The following KLRK1 variants were observed in gnomAD, a reference collection of about 807,000 sequenced individuals.
KLRK1 encodes NKG2-D type II integral membrane protein.
A neutral mutation model predicts 31.3 loss-of-function variants in KLRK1; 40 were observed. That is an observed-to-expected ratio of 1.28 (90% confidence interval 0.99 to 1.67). The LOEUF is 1.67. Among genes scored for constraint, KLRK1 ranks in the 40% most tolerant of loss-of-function variants. The pLI, the probability that KLRK1 is intolerant of heterozygous loss-of-function variation, is 0.00. For missense variants in KLRK1, 251 were observed against 260.0 expected (o/e 0.97, Z 0.24); for synonymous variants, 77 against 77.3 (o/e 1.00, Z 0.02).
intron 2 of KLRK1, among the ~76,000 whole-genome samples, chr12:10,387,505 CTT>C (rs1019030517): frequency 2.0e-5 from 3 of 150,936 alleles, no homozygotes; most frequent in African/African-American, 7.3e-5. Context: ...ATATAATGAA[CTT>C]AGCATCAATA....
At chr12:10,383,609 TAAAAG>T (rs1220251827) in intron 3 of KLRK1, among the ~76,000 whole-genome samples, 1 of 151,966 alleles carries the variant, frequency 6.6e-6, no homozygotes, top group Non-Finnish European at 1.5e-5. Flanking sequence ...CAGAAAATCA[TAAAAG>T]AAACATCAGA....
At position 10,372,843 on chromosome 12, in the gene KLRK1, C is replaced by T. The variant is rs987130055; in HGVS notation, c.*271G>A. 1.9e-5 allele frequency: 7 copies of T among 370,404 alleles called. No homozygotes were observed. Among genetic ancestry groups the T allele is most frequent in the East Asian group, 7.6e-5 (1 of 13,092 alleles). 22.9% of individuals were successfully genotyped at this position (370,404 alleles called of 1,614,324 possible). On this transcript the variant is annotated 3_prime_UTR_variant, in exon 8 of 8. Transcript: ENST00000240618. Reference sequence around the variant, plus strand: ...CTTTAGAAATTAAAACAGCACCCCTCCCCCAGCCCATCCACTCTGGGCTTG... The same window carrying T: ...CTTTAGAAATTAAAACAGCACCCCTTCCCCAGCCCATCCACTCTGGGCTTG...
chr12:10,389,957 A>G lies in KLRK1; in HGVS notation c.-80T>C, dbSNP rs560132413. 2 of 152,182 alleles carry G rather than the reference A, an allele frequency of 1.3e-5. No homozygotes were observed. Among genetic ancestry groups the G allele is most frequent in the South Asian group, 4.1e-4 (2 of 4,826 alleles). The allele number at this position is 152,182 out of a possible 1,614,324, so 9.4% of individuals were successfully genotyped here. On this transcript the variant is annotated 5_prime_UTR_variant, in exon 1 of 8. Coordinates refer to ENST00000240618, the MANE Select transcript of KLRK1 (RefSeq NM_007360.4). ...CATACACACACCTGCTCAGAGAGGG[A>G]AGATCTTGATTCTTGTGGATAAAAG...
At chr12:10,385,905 TAAAC>T (rs576657445) in intron 3 of KLRK1, among the ~76,000 whole-genome samples, 1 of 151,532 alleles carries the variant, frequency 6.6e-6, no homozygotes, top group African/African-American at 2.4e-5. Context: ...CAACTAAAAA[TAAAC>T]AAAAATTACC....
At chr12:10,389,000 A>C in intron 1 of KLRK1, 125 bp from the exon 2 acceptor site, 1 of 563,218 alleles carries the variant, frequency 1.8e-6, no homozygotes, top group Non-Finnish European at 3.0e-6. Flanking sequence ...AAAGAATAGA[A>C]ATGACAATTC....
intron 4 of KLRK1, 96 bp downstream of exon 4, chr12:10,379,604 T>G: frequency 7.4e-7 from 1 of 1,357,130 alleles, no homozygotes; most frequent in South Asian, 1.5e-5. Flanking sequence ...TTAATATTTC[T>G]AGTTTATGTG....
intron 3 of KLRK1, among the ~76,000 whole-genome samples, chr12:10,383,224 CAAA>C: frequency 6.6e-6 from 1 of 151,410 alleles, no homozygotes; most frequent in African/African-American, 2.4e-5. Context: ...GGATTAAAAA[CAAA>C]AAAAACCAAA....
chr12:10,373,543 GA>G (rs1555118538), intron 7 of KLRK1, among the ~76,000 whole-genome samples: 4 of 152,140 alleles, frequency 2.6e-5, no homozygotes, highest in Non-Finnish European at 5.9e-5. Flanking sequence ...ATTTAAGTGA[GA>G]AATAAATTCA....
At chr12:10,378,308 T>A (rs986620017) in intron 6 of KLRK1, 73 bp from the exon 7 acceptor site, 1 of 1,495,118 alleles carries the variant, frequency 6.7e-7, no homozygotes, top group Non-Finnish European at 9.2e-7. Flanking sequence ...ACCATAACCA[T>A]TTCATCTGTT....
At chr12:10,388,331 G>A (rs1460286944) in intron 2 of KLRK1, among the ~76,000 whole-genome samples, 1 of 152,102 alleles carries the variant, frequency 6.6e-6, no homozygotes, top group Admixed American at 6.5e-5. Context: ...AGGATAAAAA[G>A]TGCTTTAACA....
At chr12:10,380,892 C>T (rs1863062574) in intron 3 of KLRK1, among the ~76,000 whole-genome samples, 1 of 152,112 alleles carries the variant, frequency 6.6e-6, no homozygotes, top group Admixed American at 6.5e-5. Flanking sequence ...TACGCTCTGC[C>T]CTGGGGCCTA....
chr12:10,379,386 CA>C, intron 5 of KLRK1, 60 bp downstream of exon 5: 1 of 1,057,496 alleles, frequency 9.5e-7, no homozygotes, highest in South Asian at 1.9e-5. Flanking sequence ...TACATGTCTA[CA>C]CAATAATGTA....
At chr12:10,378,099 A>T (rs747244869) in intron 7 of KLRK1, 33 bp downstream of exon 7, 3 of 1,582,918 alleles carry the variant, frequency 1.9e-6, no homozygotes, top group African/African-American at 2.7e-5. Context: ...GAAAAAAATT[A>T]AAAAGAAGAG....
chr12:10,376,645 GTAAA>G (rs1862972241), intron 7 of KLRK1, among the ~76,000 whole-genome samples: 1 of 151,886 alleles, frequency 6.6e-6, no homozygotes, highest in Admixed American at 6.6e-5. Context: ...TAAGAAGACA[GTAAA>G]TAATAAAGAT....
chr12:10,386,217 C>A (rs189567288), intron 3 of KLRK1, among the ~76,000 whole-genome samples: 25 of 151,980 alleles, frequency 1.6e-4, no homozygotes, highest in African/African-American at 5.5e-4. Flanking sequence ...TTGAGTCTCT[C>A]TCTGGGATAA....
At chr12:10,382,363 A>C (rs993948352) in intron 3 of KLRK1, among the ~76,000 whole-genome samples, 1 of 152,228 alleles carries the variant, frequency 6.6e-6, no homozygotes, top group Non-Finnish European at 1.5e-5. Flanking sequence ...AAAGCAAAAT[A>C]AATATAAAGA....
At chr12:10,388,952 A>G in intron 1 of KLRK1, 77 bp from the exon 2 acceptor site, 1 of 981,572 alleles carries the variant, frequency 1.0e-6, no homozygotes, top group Non-Finnish European at 1.5e-6. Context: ...ATAGAAAAGT[A>G]AAATGCAGAA....
In KLRK1 at chr12:10,388,841, A is replaced by T; in HGVS notation, c.-31T>A. 6.2e-7 allele frequency: 1 copy of T among 1,613,558 alleles called. No homozygotes were observed. Among genetic ancestry groups the T allele is most frequent in the Non-Finnish European group, 8.5e-7 (1 of 1,179,728 alleles). ...ACTTATAAGTGCACGTCTACCGCAGAGAGGAATCTAAAGTCTTCAATGCAC... is the reference window on the plus strand; with the variant it reads ...ACTTATAAGTGCACGTCTACCGCAGTGAGGAATCTAAAGTCTTCAATGCAC... On this transcript the variant is annotated 5_prime_UTR_variant, in exon 2 of 8. Transcript: ENST00000240618.
chr12:10,379,353 T>C, intron 5 of KLRK1, 94 bp downstream of exon 5: 10 of 725,746 alleles, frequency 1.4e-5, no homozygotes, highest in Non-Finnish European at 2.0e-5. Flanking sequence ...AATTAATTAC[T>C]TTTTCCTTTT....
Sources: allele counts gnomAD v4.1 joint callset (sites outside exome capture counted in the v4.1 genomes callset), GRCh38; gene constraint gnomAD v4.1.1; transcripts MANE v1.5; gene names NCBI Gene and HGNC (gene_info 2026-07-23, HGNC 2026-07-21).